Variants in AK5 observed in about 807,000 individuals in gnomAD.
AK5 encodes adenylate kinase isoenzyme 5.
A neutral mutation model predicts 69.5 loss-of-function variants in AK5; 27 were observed. The observed-to-expected ratio is 0.39, with a 90% CI of 0.29 to 0.54. The LOEUF is 0.54. AK5 is among the 20% of genes least tolerant of loss of function. The pLI, the probability that AK5 is intolerant of heterozygous loss-of-function variation, is 0.71. For missense variants in AK5, 531 were observed against 700.4 expected (o/e 0.76, Z 2.73); for synonymous variants, 260 against 244.4 (o/e 1.06, Z -0.60).
At chr1:77,459,249 T>C (rs1054591725) in intron 8 of AK5, among the ~76,000 whole-genome samples, 3 of 152,238 alleles carry the variant, frequency 2.0e-5, no homozygotes, top group Non-Finnish European at 2.9e-5. Flanking sequence ...CTCACTGCCC[T>C]TAAGATGAAT....
chr1:77,324,181 C>T (rs764850309), intron 5 of AK5, among the ~76,000 whole-genome samples: 1 of 151,990 alleles, frequency 6.6e-6, no homozygotes, highest in African/African-American at 2.4e-5. Context: ...CTGAAAATGC[C>T]GAACATTAAG....
chr1:77,508,599 G>T (rs1322619856), intron 10 of AK5, among the ~76,000 whole-genome samples: 1 of 152,148 alleles, frequency 6.6e-6, no homozygotes, highest in Non-Finnish European at 1.5e-5. Flanking sequence ...GGGCACGGTG[G>T]CTCTCACCTG....
intron 5 of AK5, among the ~76,000 whole-genome samples, chr1:77,310,463 T>C (rs1463420331): frequency 2.0e-5 from 3 of 152,066 alleles, no homozygotes; most frequent in African/African-American, 7.3e-5. Flanking sequence ...CACTGCAAGC[T>C]CCGCCTTCCG....
At chr1:77,314,608 A>C (rs1660151435) in intron 5 of AK5, 2 of 152,154 alleles carry the variant, frequency 1.3e-5, no homozygotes. Context: ...TAGCATATCC[A>C]TCATCTCAAA....
intron 8 of AK5, among the ~76,000 whole-genome samples, chr1:77,436,709 A>G (rs1651984168): frequency 1.3e-5 from 2 of 152,068 alleles, no homozygotes; most frequent in South Asian, 4.1e-4. Context: ...TGATTATACC[A>G]TTTACATTCA....
At chr1:77,345,978 G>A (rs2100397533) in intron 6 of AK5, 1 of 152,266 alleles carries the variant, frequency 6.6e-6, no homozygotes, top group African/African-American at 2.4e-5. Flanking sequence ...TATTTTGTAT[G>A]TTATATGTAT....
chr1:77,510,554 A>T (rs1657283108), intron 10 of AK5, among the ~76,000 whole-genome samples: 1 of 151,164 alleles, frequency 6.6e-6, no homozygotes, highest in Non-Finnish European at 1.5e-5. Flanking sequence ...GAATACAAAG[A>T]TAACTCAGAG....
At chr1:77,379,246 G>A (rs537428704) in intron 6 of AK5, among the ~76,000 whole-genome samples, 5 of 152,328 alleles carry the variant, frequency 3.3e-5, no homozygotes, top group East Asian at 3.9e-4. Flanking sequence ...CCTCCCTTGC[G>A]ATGGATGCAG....
intron 12 of AK5, among the ~76,000 whole-genome samples, chr1:77,532,855 CA>C (rs1424158734): frequency 2.0e-5 from 3 of 152,196 alleles, no homozygotes; most frequent in Non-Finnish European, 4.4e-5. Flanking sequence ...CAGCCAAGGG[CA>C]GAGTTCTCTG....
At chr1:77,514,435 T>C (rs1657523725) in intron 10 of AK5, among the ~76,000 whole-genome samples, 1 of 152,216 alleles carries the variant, frequency 6.6e-6, no homozygotes, top group South Asian at 2.1e-4. Flanking sequence ...TTTTTTTATT[T>C]AAAAGTCATA....
chr1:77,366,032 G>A (rs1646944343), intron 6 of AK5, among the ~76,000 whole-genome samples: 1 of 152,026 alleles, frequency 6.6e-6, no homozygotes, highest in South Asian at 2.1e-4. Context: ...AACACCACCT[G>A]TTCCCCGAAA....
chr1:77,360,407 T>C (rs771622493), intron 6 of AK5, among the ~76,000 whole-genome samples: 2 of 152,186 alleles, frequency 1.3e-5, no homozygotes, highest in Non-Finnish European at 2.9e-5. Context: ...TTTCAACAGC[T>C]GGCAGGAAGT....
At chr1:77,543,977 C>T (rs945433346) in intron 13 of AK5, among the ~76,000 whole-genome samples, 3 of 151,980 alleles carry the variant, frequency 2.0e-5, no homozygotes, top group Non-Finnish European at 4.4e-5. Flanking sequence ...AGTAAGGATA[C>T]GATCTGAGAA....
chr1:77,555,526 C>G (rs1660058507), intron 13 of AK5, among the ~76,000 whole-genome samples: 2 of 152,184 alleles, frequency 1.3e-5, no homozygotes, highest in African/African-American at 4.8e-5. Context: ...TACTTAACCA[C>G]ATTATCTTGA....
intron 10 of AK5, among the ~76,000 whole-genome samples, chr1:77,510,784 G>A (rs1285167859): frequency 6.6e-6 from 1 of 151,892 alleles, no homozygotes; most frequent in Admixed American, 6.6e-5. Flanking sequence ...CACTGTGTTT[G>A]TGCACCATGA....
At chr1:77,367,572 TATATATAATA>T (rs1646981798) in intron 6 of AK5, among the ~76,000 whole-genome samples, 1 of 3,752 alleles carries the variant, frequency 2.7e-4, no homozygotes, top group Admixed American at 9.4e-3. Context: ...TATATATATA[TATATATAATA>T]TATATGTTAT....
At chr1:77,360,541 G>A (rs570598228) in intron 6 of AK5, among the ~76,000 whole-genome samples, 62 of 152,200 alleles carry the variant, frequency 4.1e-4, no homozygotes, top group African/African-American at 1.4e-3. Context: ...AGATGCAGAA[G>A]ACTAAAGACA....
At chr1:77,551,449 C>T (rs1488846814) in intron 13 of AK5, among the ~76,000 whole-genome samples, 4 of 152,172 alleles carry the variant, frequency 2.6e-5, no homozygotes, top group African/African-American at 7.2e-5. Flanking sequence ...GCAAGCACTA[C>T]AGTACATGAC....
At chr1:77,549,374 C>T (rs888556559) in intron 13 of AK5, among the ~76,000 whole-genome samples, 1 of 152,084 alleles carries the variant, frequency 6.6e-6, no homozygotes, top group Non-Finnish European at 1.5e-5. Flanking sequence ...TTGATACAGG[C>T]ATGCAGTATG....
Sources: allele counts gnomAD v4.1 joint callset (sites outside exome capture counted in the v4.1 genomes callset), GRCh38; gene constraint gnomAD v4.1.1; transcripts MANE v1.5; gene names NCBI Gene and HGNC (gene_info 2026-07-23, HGNC 2026-07-21).